The following CLDN14 variants were observed in gnomAD, a reference collection of about 807,000 sequenced individuals.
The protein encoded by CLDN14 is claudin 14, also known as claudin-14.
A neutral mutation model predicts 2.1 loss-of-function variants in CLDN14; 2 were observed. The ratio of observed to expected loss-of-function variants is 0.96; its 90% CI spans 0.39 to 3.01. CLDN14 has a LOEUF of 3.01. Ranked by LOEUF, CLDN14 falls within the 30% of genes most tolerant of loss-of-function variation. The pLI, the probability that CLDN14 is intolerant of heterozygous loss-of-function variation, is 0.09. For synonymous variants in CLDN14, 136 were observed against 154.4 expected (o/e 0.88, Z 0.88); for missense variants, 298 against 328.0 (o/e 0.91, Z 0.71).
At chr21:36,515,063 A>G (rs2087216977) in intron 1 of CLDN14, among the ~76,000 whole-genome samples, 1 of 152,194 alleles carries the variant, frequency 6.6e-6, no homozygotes, top group South Asian at 2.1e-4. Flanking sequence ...GAAAACAGCA[A>G]GTGTTGGTGA....
chr21:36,506,587 ACT>A (rs2087135445), intron 2 of CLDN14, among the ~76,000 whole-genome samples: 1 of 141,056 alleles, frequency 7.1e-6, no homozygotes, highest in African/African-American at 2.9e-5. Context: ...AAAGACCAAG[ACT>A]CTGTCTCAAA....
intron 1 of CLDN14, among the ~76,000 whole-genome samples, chr21:36,561,735 A>G (rs2087636341): frequency 6.6e-6 from 1 of 152,176 alleles, no homozygotes; most frequent in Non-Finnish European, 1.5e-5. Context: ...AGTCTCAGCC[A>G]GGAGAGGTGT....
In CLDN14 at chr21:36,465,090, C is replaced by T. The variant is rs549451818; in HGVS notation, c.-81-3314G>A. On this transcript the variant is annotated intron_variant, in intron 1 of 1. Transcript: ENST00000399135. The stretch of plus-strand genomic sequence containing the variant: ...TTCAGGGCTGAAACTAAGACAGTCC[C>T]AAGGAAACCAGGACCAGAGGCTCCT... Among the ~76,000 whole-genome samples the T allele has an allele frequency of 4.5e-4, 69 of 152,256 alleles. No individual in the cohort carries two copies. In the South Asian group the frequency reaches 0.014, roughly 31 times the overall value.
chr21:36,516,104 G>C (rs893404498), intron 1 of CLDN14, among the ~76,000 whole-genome samples: 3 of 152,006 alleles, frequency 2.0e-5, no homozygotes, highest in Non-Finnish European at 4.4e-5. Flanking sequence ...CCTTCTCTTT[G>C]TGCTCACCTG....
intron 1 of CLDN14, among the ~76,000 whole-genome samples, chr21:36,550,362 C>A (rs1404516824): frequency 6.6e-6 from 1 of 152,216 alleles, no homozygotes; most frequent in East Asian, 1.9e-4. Context: ...TCCTCTCCCC[C>A]TGACCCCAAA....
At chr21:36,576,309 C>T (rs2087741298) in intron 1 of CLDN14, 1 of 152,250 alleles carries the variant, frequency 6.6e-6, no homozygotes, top group Non-Finnish European at 1.5e-5. Flanking sequence ...ACCTAACTCA[C>T]CTGCCTGCTC....
chr21:36,525,894 C>T (rs1273340283), intron 1 of CLDN14, among the ~76,000 whole-genome samples: 1 of 152,080 alleles, frequency 6.6e-6, no homozygotes, highest in Non-Finnish European at 1.5e-5. Flanking sequence ...AGAGGCTGAG[C>T]GGGAGGATTG....
intron 1 of CLDN14, among the ~76,000 whole-genome samples, chr21:36,529,168 A>G (rs2087359216): frequency 6.6e-6 from 1 of 152,210 alleles, no homozygotes; most frequent in Non-Finnish European, 1.5e-5. Context: ...GGGTTTTCTT[A>G]ATCTAAAAAT....
At chr21:36,548,477 C>T (rs2087539769) in intron 1 of CLDN14, among the ~76,000 whole-genome samples, 1 of 152,192 alleles carries the variant, frequency 6.6e-6, no homozygotes, top group Non-Finnish European at 1.5e-5. Flanking sequence ...ATACGCAGCT[C>T]ATCGAGGGAA....
chr21:36,474,322 G>A (rs186148936), intron 1 of CLDN14, among the ~76,000 whole-genome samples: 10 of 152,234 alleles, frequency 6.6e-5, no homozygotes, highest in Admixed American at 2.0e-4. Flanking sequence ...ATTTTGCATC[G>A]CATTACAGGC....
intron 1 of CLDN14, among the ~76,000 whole-genome samples, chr21:36,516,039 C>T (rs1490019772): frequency 1.3e-5 from 2 of 151,964 alleles, no homozygotes; most frequent in Non-Finnish European, 2.9e-5. Context: ...CCCCCTGCCT[C>T]GGCCTCCCAA....
chr21:36,527,725 G>A (rs916020327), intron 1 of CLDN14, among the ~76,000 whole-genome samples: 1 of 152,066 alleles, frequency 6.6e-6, no homozygotes, highest in African/African-American at 2.4e-5. Flanking sequence ...CCAGTGTTTG[G>A]CAGGAAAAGG....
chr21:36,495,251 C>G (rs1457022645), intron 2 of CLDN14, among the ~76,000 whole-genome samples: 3 of 152,166 alleles, frequency 2.0e-5, no homozygotes, highest in African/African-American at 7.2e-5. Context: ...ATTGTTTGAA[C>G]CCGGGAGGCG....
intron 1 of CLDN14, among the ~76,000 whole-genome samples, chr21:36,566,508 T>C (rs893617197): frequency 8.5e-5 from 13 of 152,106 alleles, no homozygotes; most frequent in Non-Finnish European, 1.8e-4. Flanking sequence ...TCAGTCGAAC[T>C]GGACCCATGC....
chr21:36,464,269 C>A (rs1258483274), intron 1 of CLDN14, among the ~76,000 whole-genome samples: 1 of 152,202 alleles, frequency 6.6e-6, no homozygotes, highest in African/African-American at 2.4e-5. Flanking sequence ...AGCCACGCTT[C>A]CTGTACAGCT....
At chr21:36,567,039 A>C (rs887122051) in intron 1 of CLDN14, among the ~76,000 whole-genome samples, 4 of 152,232 alleles carry the variant, frequency 2.6e-5, no homozygotes, top group Admixed American at 1.3e-4. Context: ...TTTCCAGGGC[A>C]TATCTTCATC....
chr21:36,502,836 T>C (rs2087102097), intron 2 of CLDN14, among the ~76,000 whole-genome samples: 1 of 152,244 alleles, frequency 6.6e-6, no homozygotes, highest in South Asian at 2.1e-4. Flanking sequence ...CTATGTAATC[T>C]TGAATCCATC....
chr21:36,504,273 G>A (rs1334494190), intron 2 of CLDN14, among the ~76,000 whole-genome samples: 1 of 152,074 alleles, frequency 6.6e-6, no homozygotes, highest in East Asian at 1.9e-4. Context: ...CTAGAAGTTT[G>A]AGGCTGAAGA....
intron 1 of CLDN14, among the ~76,000 whole-genome samples, chr21:36,519,730 C>A (rs1977928): frequency 0.078 from 8,444 of 108,318 alleles, 667 homozygotes; most frequent in African/African-American, 0.21. Flanking sequence ...ACAACAACAA[C>A]AACAAAACCC....
Sources: allele counts gnomAD v4.1 joint callset (sites outside exome capture counted in the v4.1 genomes callset), GRCh38; gene constraint gnomAD v4.1.1; transcripts MANE v1.5; gene names NCBI Gene and HGNC (gene_info 2026-07-23, HGNC 2026-07-21).